Variants in CTNNA3 observed in about 807,000 individuals in gnomAD.
The protein encoded by CTNNA3 is catenin alpha 3, also known as catenin alpha-3.
Under a neutral mutation model 95.7 loss-of-function variants are expected in CTNNA3, and 76 were observed. That is an observed-to-expected ratio of 0.79 (90% CI 0.66 to 0.96). CTNNA3 has a LOEUF of 0.96. Ranked by LOEUF, CTNNA3 falls within the 40% of genes least tolerant of loss-of-function variation. The probability of loss-of-function intolerance (pLI) is 0.00; values close to 1 mark genes in which losing one functional copy is unlikely to be tolerated. For missense variants in CTNNA3, 1,191 were observed against 1,089.8 expected (o/e 1.09, Z -1.31); for synonymous variants, 431 against 374.4 (o/e 1.15, Z -1.74).
chr10:66,382,729 C>CT (rs2092852142), intron 11 of CTNNA3, among the ~76,000 whole-genome samples: 3 of 152,142 alleles, frequency 2.0e-5, no homozygotes, highest in African/African-American at 7.2e-5. Flanking sequence ...TGGGATGAAG[C>CT]TTCCAGAGGA....
At chr10:67,692,758 AGTCTTGCTAC>A (rs1840893508) in intron 1 of CTNNA3, among the ~76,000 whole-genome samples, 1 of 149,674 alleles carries the variant, frequency 6.7e-6, no homozygotes, top group African/African-American at 2.5e-5. Flanking sequence ...AAAAAAAAAA[AGTCTTGCTAC>A]AAAGTGCTTA....
chr10:67,355,770 T>G (rs893636589), intron 5 of CTNNA3, among the ~76,000 whole-genome samples: 1 of 152,100 alleles, frequency 6.6e-6, no homozygotes, highest in African/African-American at 2.4e-5. Context: ...CGTTTAAAAA[T>G]GTTGATTACT....
chr10:67,269,080 C>T (rs921028383), intron 5 of CTNNA3, among the ~76,000 whole-genome samples: 1 of 152,058 alleles, frequency 6.6e-6, no homozygotes, highest in African/African-American at 2.4e-5. Flanking sequence ...TGCAGAAAAT[C>T]ATTCATTTTG....
At chr10:66,412,692 C>A (rs2093116667) in intron 11 of CTNNA3, among the ~76,000 whole-genome samples, 2 of 151,950 alleles carry the variant, frequency 1.3e-5, no homozygotes, top group African/African-American at 4.8e-5. Context: ...ATCTCCCGAC[C>A]TTGTGATCTG....
intron 7 of CTNNA3, among the ~76,000 whole-genome samples, chr10:67,084,465 T>C (rs1857201419): frequency 6.6e-6 from 1 of 151,858 alleles, no homozygotes; most frequent in African/African-American, 2.4e-5. Flanking sequence ...ATATATTAAT[T>C]TAAATATTGT....
At chr10:66,966,790 A>G (rs1849438692) in intron 7 of CTNNA3, among the ~76,000 whole-genome samples, 1 of 152,108 alleles carries the variant, frequency 6.6e-6, no homozygotes, top group Non-Finnish European at 1.5e-5. Flanking sequence ...AAATATGGAA[A>G]AAAACAACAT....
chr10:66,265,775 A>C (rs1185018618), intron 13 of CTNNA3, among the ~76,000 whole-genome samples: 1 of 151,992 alleles, frequency 6.6e-6, no homozygotes, highest in Non-Finnish European at 1.5e-5. Context: ...TTTATCTCTT[A>C]GGCCAATTTT....
At chr10:67,058,960 T>C (rs556127902) in intron 7 of CTNNA3, among the ~76,000 whole-genome samples, 1 of 152,324 alleles carries the variant, frequency 6.6e-6, no homozygotes, top group Admixed American at 6.5e-5. Flanking sequence ...AGGCAAGAAA[T>C]TATTTTTATC....
intron 9 of CTNNA3, among the ~76,000 whole-genome samples, chr10:66,655,896 C>A (rs573700365): frequency 3.9e-4 from 59 of 152,198 alleles, no homozygotes; most frequent in African/African-American, 1.3e-3. Flanking sequence ...GGCTCAATTC[C>A]ATCCACCGAA....
rs143278039 is a variant in CTNNA3 at position 67,197,071 on chromosome 10, C to T, written c.844-16551G>A. 1.4e-4 allele frequency among the ~76,000 whole-genome samples: 21 copies of T among 152,086 alleles called. No individual in the cohort carries two copies. The East Asian group carries it at 3.5e-3, about 25-fold the overall frequency. ...ATTGTCATTAAAACTAAAGTATATG[C>T]CCCAATATTTTTAAGTATATTAAAT... On this transcript the variant is annotated intron_variant, in intron 6 of 17. Coordinates refer to ENST00000433211, the MANE Select transcript of CTNNA3 (RefSeq NM_013266.4).
chr10:66,068,730 C>A (rs908223030), intron 15 of CTNNA3, among the ~76,000 whole-genome samples: 24 of 152,160 alleles, frequency 1.6e-4, no homozygotes, highest in African/African-American at 5.5e-4. Context: ...ACTAGTAGGG[C>A]AGCCACTATA....
At chr10:67,656,690 C>T (rs748069639) in intron 1 of CTNNA3, among the ~76,000 whole-genome samples, 1 of 151,748 alleles carries the variant, frequency 6.6e-6, no homozygotes, top group African/African-American at 2.4e-5. Flanking sequence ...GAGCAAGACT[C>T]GAAGAGGCAA....
At chr10:66,303,935 G>C (rs538306952) in intron 12 of CTNNA3, among the ~76,000 whole-genome samples, 2 of 152,114 alleles carry the variant, frequency 1.3e-5, no homozygotes, top group South Asian at 4.2e-4. Flanking sequence ...GTCCTCAGTA[G>C]AGCAAAGGAT....
At chr10:66,656,400 T>C (rs1368835163) in intron 9 of CTNNA3, among the ~76,000 whole-genome samples, 3 of 152,128 alleles carry the variant, frequency 2.0e-5, no homozygotes, top group Non-Finnish European at 4.4e-5. Context: ...AGATTTCATC[T>C]GGAAAGAATG....
At chr10:66,319,655 T>C (rs1210798997) in intron 12 of CTNNA3, among the ~76,000 whole-genome samples, 3 of 152,094 alleles carry the variant, frequency 2.0e-5, no homozygotes, top group Admixed American at 6.6e-5. Context: ...CCACCAACCA[T>C]ACACCTATAA....
chr10:67,579,840 C>G (rs887237750), intron 3 of CTNNA3, among the ~76,000 whole-genome samples: 2 of 152,200 alleles, frequency 1.3e-5, no homozygotes, highest in Non-Finnish European at 2.9e-5. Context: ...CTGTTGGCTG[C>G]ATAAATGTCT....
chr10:67,600,233 C>T (rs1017942219), intron 3 of CTNNA3, among the ~76,000 whole-genome samples: 2 of 151,948 alleles, frequency 1.3e-5, no homozygotes, highest in African/African-American at 4.8e-5. Flanking sequence ...AATTTATTCC[C>T]AGGTAGATTA....
chr10:66,086,920 C>T (rs2081007157), intron 14 of CTNNA3, among the ~76,000 whole-genome samples: 2 of 151,888 alleles, frequency 1.3e-5, no homozygotes, highest in African/African-American at 4.8e-5. Context: ...AAAAGCAGCC[C>T]CCAAATCATT....
chr10:66,933,324 A>T (rs1847514671), intron 7 of CTNNA3, among the ~76,000 whole-genome samples: 1 of 152,266 alleles, frequency 6.6e-6, no homozygotes, highest in African/African-American at 2.4e-5. Context: ...TGTACAACAG[A>T]CATAAAGACA....
Sources: allele counts gnomAD v4.1 joint callset (sites outside exome capture counted in the v4.1 genomes callset), GRCh38; gene constraint gnomAD v4.1.1; transcripts MANE v1.5; gene names NCBI Gene and HGNC (gene_info 2026-07-23, HGNC 2026-07-21).